Variants in KHDRBS3 observed in about 807,000 individuals in gnomAD.
The protein encoded by KHDRBS3 is KH domain-containing, RNA-binding, signal transduction-associated protein 3.
KHDRBS3 carries 23 observed loss-of-function variants against 45.6 expected under a neutral mutation model. The observed-to-expected ratio is 0.50, with a 90% CI of 0.36 to 0.72. The LOEUF (loss-of-function observed/expected upper bound fraction) is 0.72. Among genes scored for constraint, KHDRBS3 ranks in the 30% least tolerant of loss-of-function variants. The pLI, the probability that KHDRBS3 is intolerant of heterozygous loss-of-function variation, is 0.00. For missense variants in KHDRBS3, 352 were observed against 424.8 expected (o/e 0.83, Z 1.51); for synonymous variants, 162 against 156.5 (o/e 1.04, Z -0.26).
At chr8:135,486,367 C>T (rs1822863490) in intron 1 of KHDRBS3, among the ~76,000 whole-genome samples, 1 of 152,102 alleles carries the variant, frequency 6.6e-6, no homozygotes, top group Non-Finnish European at 1.5e-5. Context: ...GGTGGTAGCT[C>T]AGTTTGTCTA....
chr8:135,555,373 A>ATTT (rs113293183), intron 4 of KHDRBS3, among the ~76,000 whole-genome samples: 1 of 141,020 alleles, frequency 7.1e-6, no homozygotes, highest in African/African-American at 2.6e-5. Flanking sequence ...AAACATTGAG[A>ATTT]TTTTTTTTTT....
At chr8:135,458,559 C>G in intron 1 of KHDRBS3, 2 of 311,364 alleles carry the variant, frequency 6.4e-6, no homozygotes, top group South Asian at 5.6e-5. Context: ...TGTGTCCAGG[C>G]TCCAACAGCC....
chr8:135,505,903 C>G (rs896936006), intron 1 of KHDRBS3, among the ~76,000 whole-genome samples: 3 of 152,090 alleles, frequency 2.0e-5, no homozygotes, highest in Non-Finnish European at 2.9e-5. Context: ...GAACTGGAAA[C>G]ACAGTGGGAA....
At chr8:135,544,844 G>A (rs1826213247) in intron 3 of KHDRBS3, among the ~76,000 whole-genome samples, 1 of 152,124 alleles carries the variant, frequency 6.6e-6, no homozygotes, top group East Asian at 1.9e-4. Context: ...AGGAACCAGG[G>A]AGGGGAGTAG....
At chr8:135,626,513 C>T (rs1830367136) in intron 7 of KHDRBS3, among the ~76,000 whole-genome samples, 1 of 152,176 alleles carries the variant, frequency 6.6e-6, no homozygotes, top group Non-Finnish European at 1.5e-5. Flanking sequence ...AGTAAAGAGG[C>T]ACAGTGGGGG....
intron 1 of KHDRBS3, among the ~76,000 whole-genome samples, chr8:135,479,156 G>A (rs1008575933): frequency 1.3e-5 from 2 of 152,118 alleles, no homozygotes; most frequent in Admixed American, 1.3e-4. Flanking sequence ...TGACCTGATG[G>A]ATACAGAAAG....
intron 1 of KHDRBS3, among the ~76,000 whole-genome samples, chr8:135,515,390 A>G (rs927213528): frequency 2.1e-5 from 3 of 144,060 alleles, no homozygotes; most frequent in African/African-American, 7.6e-5. Flanking sequence ...AAAAAAAAAA[A>G]AAAAAAAAAA....
At chr8:135,652,634 C>T (rs538907612) in intron 4 of KHDRBS3, among the ~76,000 whole-genome samples, 1 of 152,230 alleles carries the variant, frequency 6.6e-6, no homozygotes, top group Admixed American at 6.5e-5. Context: ...TTACCCAGCT[C>T]TTGGTCTAGC....
At chr8:135,600,928 C>T (rs900791237) in intron 6 of KHDRBS3, among the ~76,000 whole-genome samples, 25 of 152,190 alleles carry the variant, frequency 1.6e-4, no homozygotes, top group African/African-American at 5.6e-4. Context: ...TCTCAAACTC[C>T]TGGGCTCAAA....
intron 1 of KHDRBS3, among the ~76,000 whole-genome samples, chr8:135,465,432 T>G (rs1355604927): frequency 6.6e-6 from 1 of 152,230 alleles, no homozygotes; most frequent in African/African-American, 2.4e-5. Context: ...ATCATCTACT[T>G]TCATTTCTTA....
intron 7 of KHDRBS3, among the ~76,000 whole-genome samples, chr8:135,620,475 T>C (rs1230022763): frequency 2.6e-5 from 4 of 152,190 alleles, no homozygotes; most frequent in African/African-American, 9.6e-5. Flanking sequence ...TAATGTAACC[T>C]GATACTGAGT....
intron 7 of KHDRBS3, among the ~76,000 whole-genome samples, chr8:135,642,905 G>A (rs1375351743): frequency 6.6e-6 from 1 of 151,534 alleles, no homozygotes; most frequent in Non-Finnish European, 1.5e-5. Context: ...CAGTTCCCCT[G>A]CCTCAGCATC....
At chr8:135,469,369 C>G (rs1231499079) in intron 1 of KHDRBS3, among the ~76,000 whole-genome samples, 1 of 152,122 alleles carries the variant, frequency 6.6e-6, no homozygotes, top group Non-Finnish European at 1.5e-5. Context: ...ACTGCAAGCT[C>G]CGCCTCCCAG....
chr8:135,532,065 A>G (rs535931224), intron 2 of KHDRBS3, among the ~76,000 whole-genome samples: 34 of 152,272 alleles, frequency 2.2e-4, no homozygotes, highest in African/African-American at 7.9e-4. Context: ...TCAGTTAGCA[A>G]CTATGCTAAG....
At chr8:135,596,117 CTA>C (rs1218684455) in intron 6 of KHDRBS3, among the ~76,000 whole-genome samples, 7 of 152,138 alleles carry the variant, frequency 4.6e-5, no homozygotes, top group Non-Finnish European at 1.0e-4. Context: ...ACTCATGTGA[CTA>C]TTTCCTCAAC....
At chr8:135,623,615 G>A (rs1161480444) in intron 7 of KHDRBS3, among the ~76,000 whole-genome samples, 1 of 149,770 alleles carries the variant, frequency 6.7e-6, no homozygotes, top group Admixed American at 6.6e-5. Context: ...TTGAGAAACT[G>A]TTTAAAGTAG....
At position 135,611,703 on chromosome 8, in the gene KHDRBS3, A is replaced by G. The variant is rs1000747465; in HGVS notation, c.890+4666A>G. On this transcript the variant is annotated intron_variant, in intron 7 of 8. Transcript: ENST00000355849. ...GATTAGAACCCACTCTAAAGGCCTC[A>G]TTTCAATTTAAATCAGCTCTTTAAA... is the stretch of plus-strand genomic sequence containing the variant. Among the ~76,000 whole-genome samples the G allele has an allele frequency of 3.3e-5, 5 of 151,868 alleles. 1 individual carries two copies. The highest frequency in any genetic ancestry group is 9.7e-5 in the African/African-American group (4 of 41,176).
chr8:135,619,156 A>C (rs1317127353), intron 7 of KHDRBS3, among the ~76,000 whole-genome samples: 1 of 152,240 alleles, frequency 6.6e-6, no homozygotes, highest in Non-Finnish European at 1.5e-5. Flanking sequence ...GTAGGCATAT[A>C]CATTAGAAAG....
chr8:135,486,017 A>G (rs899295819), intron 1 of KHDRBS3, among the ~76,000 whole-genome samples: 2 of 152,034 alleles, frequency 1.3e-5, no homozygotes, highest in Non-Finnish European at 2.9e-5. Context: ...CAGAGGGCAC[A>G]GAGCAGCATG....
Sources: allele counts gnomAD v4.1 joint callset (sites outside exome capture counted in the v4.1 genomes callset), GRCh38; gene constraint gnomAD v4.1.1; transcripts MANE v1.5; gene names NCBI Gene and HGNC (gene_info 2026-07-23, HGNC 2026-07-21).